PDE3A: variants seen among roughly 807,000 people sequenced by gnomAD.
The protein encoded by PDE3A is phosphodiesterase 3A.
A neutral mutation model predicts 98.3 loss-of-function variants in PDE3A; 43 were observed. The ratio of observed to expected loss-of-function variants is 0.44; its 90% CI spans 0.34 to 0.56. The LOEUF (loss-of-function observed/expected upper bound fraction) is 0.56. Among genes scored for constraint, PDE3A ranks in the 20% least tolerant of loss-of-function variants. PDE3A has a pLI of 0.01. For missense variants in PDE3A, 1,427 were observed against 1,440.7 expected, an observed-to-expected ratio of 0.99 and a Z score of 0.15; for synonymous variants, 663 against 567.9, an observed-to-expected ratio of 1.17 and a Z score of -2.38.
At chr12:20,665,405 A>T (rs969087483) in intron 15 of PDE3A, among the ~76,000 whole-genome samples, 2 of 152,076 alleles carry the variant, frequency 1.3e-5, no homozygotes, top group Non-Finnish European at 2.9e-5. Flanking sequence ...TTCTGTGAAA[A>T]TTTTTCTTAA....
At chr12:20,504,423 C>T (rs1372663022) in intron 1 of PDE3A, among the ~76,000 whole-genome samples, 2 of 152,066 alleles carry the variant, frequency 1.3e-5, no homozygotes, top group Admixed American at 1.3e-4. Context: ...CCATATTCTT[C>T]TAAGATGACT....
intron 2 of PDE3A, among the ~76,000 whole-genome samples, chr12:20,598,747 A>G (rs965602458): frequency 6.6e-6 from 1 of 152,224 alleles, no homozygotes; most frequent in Non-Finnish European, 1.5e-5. Flanking sequence ...AAAGAAGACT[A>G]TTATAGGAAT....
At chr12:20,486,892 C>T (rs981977499) in intron 1 of PDE3A, among the ~76,000 whole-genome samples, 1 of 152,188 alleles carries the variant, frequency 6.6e-6, no homozygotes, top group Non-Finnish European at 1.5e-5. Context: ...CCTTGGCCTC[C>T]CAAAGTGTTG....
At chr12:20,576,271 T>G (rs770031598) in intron 2 of PDE3A, among the ~76,000 whole-genome samples, 1 of 152,182 alleles carries the variant, frequency 6.6e-6, no homozygotes, top group East Asian at 1.9e-4. Context: ...AGTCTTTAAG[T>G]TTTCTAAATA....
intron 1 of PDE3A, among the ~76,000 whole-genome samples, chr12:20,420,899 C>G (rs186657276): frequency 6.6e-6 from 1 of 152,060 alleles, no homozygotes; most frequent in African/African-American, 2.4e-5. Context: ...GGTAGGCCAT[C>G]GAACTGTACT....
At chr12:20,441,528 C>T (rs1218740916) in intron 1 of PDE3A, among the ~76,000 whole-genome samples, 2 of 151,970 alleles carry the variant, frequency 1.3e-5, no homozygotes, top group Non-Finnish European at 2.9e-5. Context: ...ATTATTTAGC[C>T]CTCACAGTAA....
intron 1 of PDE3A, among the ~76,000 whole-genome samples, chr12:20,373,647 T>G (rs922893839): frequency 1.3e-5 from 2 of 152,118 alleles, no homozygotes; most frequent in Admixed American, 6.5e-5. Context: ...ATTTTATATT[T>G]TTACCTGTGG....
chr12:20,509,481 C>A (rs959443360), intron 1 of PDE3A, among the ~76,000 whole-genome samples: 14 of 151,966 alleles, frequency 9.2e-5, no homozygotes, highest in Non-Finnish European at 1.8e-4. Context: ...CCAGTGAGAT[C>A]TATTTACCCT....
chr12:20,581,411 G>T (rs1378943241), intron 2 of PDE3A, among the ~76,000 whole-genome samples: 1 of 151,996 alleles, frequency 6.6e-6, no homozygotes, highest in African/African-American at 2.4e-5. Flanking sequence ...AAGTTGTAAG[G>T]AACTAAGACA....
intron 1 of PDE3A, among the ~76,000 whole-genome samples, chr12:20,469,448 A>T (rs1031501102): frequency 6.6e-6 from 1 of 152,156 alleles, no homozygotes; most frequent in African/African-American, 2.4e-5. Context: ...ATGGTCCCAA[A>T]GGGTCTTCTC....
chr12:20,419,471 G>GT (rs1469927325), intron 1 of PDE3A, among the ~76,000 whole-genome samples: 6 of 151,024 alleles, frequency 4.0e-5, no homozygotes, highest in South Asian at 2.1e-4. Context: ...TTTGTTTTTT[G>GT]TTTTTTTCAA....
intron 6 of PDE3A, among the ~76,000 whole-genome samples, chr12:20,630,567 GAAT>G (rs1208116413): frequency 6.6e-6 from 1 of 152,102 alleles, no homozygotes; most frequent in East Asian, 1.9e-4. Flanking sequence ...TAAAATGTGT[GAAT>G]AATACATTGC....
intron 1 of PDE3A, among the ~76,000 whole-genome samples, chr12:20,458,357 C>G (rs754362065): frequency 1.1e-4 from 16 of 149,648 alleles, no homozygotes; most frequent in Admixed American, 1.1e-3. Context: ...TCAGTTTTAT[C>G]GAGGTATATA....
rs1349784219 is a variant in PDE3A at position 20,460,829 on chromosome 12, T to A, written c.960+90585T>A. On this transcript the variant is annotated intron_variant, in intron 1 of 15. Coordinates refer to ENST00000359062, the MANE Select transcript of PDE3A (RefSeq NM_000921.5). ...TAGCCTCCATGCCCCTGCTCCCCCC[T>A]TTTCATGGCTCACTACTGCCATTCA... is the stretch of plus-strand genomic sequence containing the variant. 2.6e-5 allele frequency among the ~76,000 whole-genome samples: 4 copies of A among 152,150 alleles called. No individual in the cohort carries two copies. In the East Asian group the frequency reaches 7.7e-4, roughly 29 times the overall value.
chr12:20,374,726 A>C (rs1943539096), intron 1 of PDE3A, among the ~76,000 whole-genome samples: 1 of 152,030 alleles, frequency 6.6e-6, no homozygotes, highest in Non-Finnish European at 1.5e-5. Context: ...TCAAAATTAG[A>C]AGTATGCCTA....
chr12:20,638,191 A>T (rs1245629608), intron 9 of PDE3A, among the ~76,000 whole-genome samples: 3 of 152,146 alleles, frequency 2.0e-5, no homozygotes, highest in Non-Finnish European at 4.4e-5. Flanking sequence ...CTTTCTTTGG[A>T]CCACTCAACA....
chr12:20,539,001 T>C (rs1360641878), intron 1 of PDE3A, among the ~76,000 whole-genome samples: 1 of 152,020 alleles, frequency 6.6e-6, no homozygotes, highest in Non-Finnish European at 1.5e-5. Context: ...AAAAAGCATG[T>C]ATTGAATCCC....
intron 1 of PDE3A, among the ~76,000 whole-genome samples, chr12:20,542,336 A>T (rs1372797433): frequency 2.0e-5 from 3 of 152,032 alleles, no homozygotes; most frequent in South Asian, 2.1e-4. Context: ...TATATTTTTT[A>T]AAATTACCTA....
At chr12:20,439,609 A>G (rs1183543633) in intron 1 of PDE3A, among the ~76,000 whole-genome samples, 1 of 152,218 alleles carries the variant, frequency 6.6e-6, no homozygotes, top group Non-Finnish European at 1.5e-5. Flanking sequence ...TGTATTGTTC[A>G]TGCTGCGAGC....
Sources: allele counts gnomAD v4.1 joint callset (sites outside exome capture counted in the v4.1 genomes callset), GRCh38; gene constraint gnomAD v4.1.1; transcripts MANE v1.5; gene names NCBI Gene and HGNC (gene_info 2026-07-23, HGNC 2026-07-21).